Variants in PDZRN4 observed in about 807,000 individuals in gnomAD.
PDZRN4 encodes PDZ domain-containing RING finger protein 4.
A neutral mutation model predicts 99.0 loss-of-function variants in PDZRN4; 70 were observed. The ratio of observed to expected loss-of-function variants is 0.71; its 90% CI spans 0.58 to 0.86. The LOEUF (loss-of-function observed/expected upper bound fraction) is 0.86. Ranked by LOEUF, PDZRN4 falls within the 40% of genes least tolerant of loss-of-function variation. The pLI, the probability that PDZRN4 is intolerant of heterozygous loss-of-function variation, is 0.00. For missense variants in PDZRN4, 1,474 were observed against 1,331.2 expected, an observed-to-expected ratio of 1.11 and a Z score of -1.67; for synonymous variants, 551 against 501.6, an observed-to-expected ratio of 1.10 and a Z score of -1.32.
At chr12:41,234,923 A>G (rs1303287467) in intron 3 of PDZRN4, among the ~76,000 whole-genome samples, 1 of 152,052 alleles carries the variant, frequency 6.6e-6, no homozygotes, top group Non-Finnish European at 1.5e-5. Context: ...CTGAGGAAGG[A>G]TGCATTCCTG....
chr12:41,322,375 G>T (rs1951684551), intron 3 of PDZRN4, among the ~76,000 whole-genome samples: 1 of 151,540 alleles, frequency 6.6e-6, no homozygotes, highest in Non-Finnish European at 1.5e-5. Flanking sequence ...GAGTAATTTT[G>T]GATCTCATAC....
intron 3 of PDZRN4, among the ~76,000 whole-genome samples, chr12:41,194,705 G>A (rs1034227048): frequency 7.9e-5 from 12 of 152,274 alleles, no homozygotes; most frequent in Non-Finnish European, 1.3e-4. Flanking sequence ...TGTGATGAAA[G>A]AATAAAATGC....
chr12:41,555,788 T>A, intron 7 of PDZRN4, 28 bp downstream of exon 7: 3 of 1,513,760 alleles, frequency 2.0e-6, no homozygotes, highest in Non-Finnish European at 2.8e-6. Context: ...TTCCTTTAGT[T>A]CCCCACGATC....
Position 41,298,985 on chromosome 12 carries a change from C to T in PDZRN4, c.843+104797C>T, listed in dbSNP as rs764095922. ...CTGCATCCCCCTTTGGCCTTGTTTTCTAATTCCTATTATTCTGTGGCCCTT... is the reference window on the plus strand; with the variant it reads ...CTGCATCCCCCTTTGGCCTTGTTTTTTAATTCCTATTATTCTGTGGCCCTT... On this transcript the variant is annotated intron_variant, in intron 3 of 9. Coordinates refer to ENST00000402685, the MANE Select transcript of PDZRN4 (RefSeq NM_001164595.2). 3.9e-4 allele frequency among the ~76,000 whole-genome samples: 59 copies of T among 152,152 alleles called. 1 individual carries two copies. The highest frequency in any genetic ancestry group is 6.6e-4 in the Admixed American group (10 of 15,260).
chr12:41,438,197 C>G (rs1952647733), intron 3 of PDZRN4, among the ~76,000 whole-genome samples: 2 of 152,140 alleles, frequency 1.3e-5, no homozygotes, highest in South Asian at 4.1e-4. Flanking sequence ...TTGCCACTCC[C>G]CCTTCAGATG....
At chr12:41,311,199 T>A (rs1166805115) in intron 3 of PDZRN4, among the ~76,000 whole-genome samples, 1 of 152,070 alleles carries the variant, frequency 6.6e-6, no homozygotes, top group Non-Finnish European at 1.5e-5. Flanking sequence ...TTGGTTTTAA[T>A]AAATTGTTTA....
intron 3 of PDZRN4, among the ~76,000 whole-genome samples, chr12:41,502,547 T>C (rs1258525967): frequency 1.3e-5 from 2 of 152,122 alleles, no homozygotes; most frequent in Non-Finnish European, 2.9e-5. Context: ...CATATTCATA[T>C]TTTCTCCTGA....
chr12:41,488,326 A>T (rs1414439479), intron 3 of PDZRN4, among the ~76,000 whole-genome samples: 1 of 152,196 alleles, frequency 6.6e-6, no homozygotes, highest in Non-Finnish European at 1.5e-5. Flanking sequence ...TGTGCATTAG[A>T]GTCAAATGTT....
intron 3 of PDZRN4, among the ~76,000 whole-genome samples, chr12:41,489,813 G>A (rs1474449564): frequency 6.6e-6 from 1 of 152,046 alleles, no homozygotes; most frequent in Non-Finnish European, 1.5e-5. Flanking sequence ...GCCAAGTTCA[G>A]CCAATAGTTC....
intron 3 of PDZRN4, among the ~76,000 whole-genome samples, chr12:41,435,949 G>A (rs1222145327): frequency 6.6e-6 from 1 of 152,150 alleles, no homozygotes; most frequent in Non-Finnish European, 1.5e-5. Context: ...GTGATATAGA[G>A]GCTTAGAGAA....
chr12:41,205,195 A>C (rs2120676043), intron 3 of PDZRN4, among the ~76,000 whole-genome samples: 1 of 151,942 alleles, frequency 6.6e-6, no homozygotes, highest in African/African-American at 2.4e-5. Flanking sequence ...TAAATTCTTG[A>C]ACTCTGTTTC....
intron 3 of PDZRN4, among the ~76,000 whole-genome samples, chr12:41,214,114 T>C (rs1450763176): frequency 6.6e-5 from 10 of 151,880 alleles, no homozygotes; most frequent in Non-Finnish European, 1.0e-4. Flanking sequence ...AACTAGCTTA[T>C]GTAAACTATT....
At position 41,326,465 on chromosome 12, in the gene PDZRN4, TA is replaced by T. The variant is rs570163378; in HGVS notation, c.843+132283del. On this transcript the variant is annotated intron_variant, in intron 3 of 9. Coordinates refer to ENST00000402685, the MANE Select transcript of PDZRN4 (RefSeq NM_001164595.2). ...AATTAAAAACACATCTTGATATTTT[TA>T]AAAAATCACAAAAATTGTTCCATGT... is the stretch of plus-strand genomic sequence containing the variant. Among the ~76,000 whole-genome samples, 115 of 152,298 alleles carry T rather than the reference TA, an allele frequency of 7.6e-4. 1 individual carries two copies. Among genetic ancestry groups the T allele is most frequent in the African/African-American group, 2.6e-3 (108 of 41,564 alleles).
rs1951666551 is a variant in PDZRN4 at position 41,320,244 on chromosome 12, G to A, written c.843+126056G>A. On this transcript the variant is annotated intron_variant, in intron 3 of 9. Coordinates refer to ENST00000402685, the MANE Select transcript of PDZRN4 (RefSeq NM_001164595.2). ...TTGGCTTGGAAGGGTTTCTGAGAAT[G>A]CTATTGGACTCACAGACCTGTGTGG... Among the ~76,000 whole-genome samples, 5 of 152,182 alleles carry A rather than the reference G, an allele frequency of 3.3e-5. No homozygotes were observed. The South Asian group carries it at 1.0e-3, about 32-fold the overall frequency.
At position 41,509,358 on chromosome 12, in the gene PDZRN4, T is replaced by C. The variant is rs117728038; in HGVS notation, c.1101-453T>C. On this transcript the variant is annotated intron_variant, in intron 4 of 9. Transcript: ENST00000402685. ...TTTAGAGTCTGAAAAAATAAGTGCT[T>C]TTGAAAATGGTTTTCAAAAAATAGT... 2.2e-4 allele frequency among the ~76,000 whole-genome samples: 34 copies of C among 152,180 alleles called. No individual in the cohort carries two copies. In the East Asian group the frequency reaches 4.7e-3, roughly 21 times the overall value.
chr12:41,229,493 C>G (rs1951015439), intron 3 of PDZRN4, among the ~76,000 whole-genome samples: 2 of 152,086 alleles, frequency 1.3e-5, no homozygotes, highest in Non-Finnish European at 2.9e-5. Flanking sequence ...TGATTGCACA[C>G]TACATGAATA....
intron 6 of PDZRN4, among the ~76,000 whole-genome samples, chr12:41,554,941 G>A (rs761584511): frequency 4.0e-5 from 6 of 151,442 alleles, no homozygotes; most frequent in Admixed American, 1.3e-4. Flanking sequence ...GGACGCGGTG[G>A]CTCACGCCTG....
intron 3 of PDZRN4, among the ~76,000 whole-genome samples, chr12:41,467,119 G>A (rs150471882): frequency 1.7e-4 from 26 of 152,330 alleles, no homozygotes; most frequent in Admixed American, 1.7e-3. Context: ...CTTCGCTCCT[G>A]ATGGGATCAT....
chr12:41,567,685 A>G (rs944177322), intron 8 of PDZRN4, 98 bp from the exon 9 acceptor site: 2 of 545,438 alleles, frequency 3.7e-6, no homozygotes, highest in Non-Finnish European at 6.3e-6. Context: ...AATCATTATG[A>G]TAAAAGGAAC....
Sources: allele counts gnomAD v4.1 joint callset (sites outside exome capture counted in the v4.1 genomes callset), GRCh38; gene constraint gnomAD v4.1.1; transcripts MANE v1.5; gene names NCBI Gene and HGNC (gene_info 2026-07-23, HGNC 2026-07-21).